The following CA10 variants were observed in gnomAD, a reference collection of about 807,000 sequenced individuals.
CA10 encodes carbonic anhydrase 10 (inactive), also known as carbonic anhydrase-related protein 10.
In CA10, 14 loss-of-function variants were observed where a neutral mutation model predicts 44.2. That is an observed-to-expected ratio of 0.32 (90% confidence interval 0.21 to 0.50). The LOEUF (loss-of-function observed/expected upper bound fraction) is 0.50, where lower values mean the gene tolerates loss of function less well. Ranked by LOEUF, CA10 falls within the 20% of genes least tolerant of loss-of-function variation. CA10 has a pLI of 0.99. For synonymous variants in CA10, 159 were observed against 141.6 expected, an observed-to-expected ratio of 1.12 and a Z score of -0.87; for missense variants, 350 against 409.7, an observed-to-expected ratio of 0.85 and a Z score of 1.26.
At chr17:52,104,133 T>A (rs1036846791) in intron 1 of CA10, among the ~76,000 whole-genome samples, 1 of 151,916 alleles carries the variant, frequency 6.6e-6, no homozygotes, top group Non-Finnish European at 1.5e-5. Flanking sequence ...CACCTGCTCC[T>A]TCCTCCTTTG....
At chr17:51,734,181 G>C (rs572817156) in intron 4 of CA10, among the ~76,000 whole-genome samples, 14 of 118,782 alleles carry the variant, frequency 1.2e-4, no homozygotes, top group South Asian at 1.0e-3. Context: ...CTTTGGTTGG[G>C]GGGGGGGGGT....
intron 4 of CA10, among the ~76,000 whole-genome samples, chr17:51,726,937 T>A (rs1916544609): frequency 6.6e-6 from 1 of 152,242 alleles, no homozygotes; most frequent in Non-Finnish European, 1.5e-5. Context: ...CTTCTGATTC[T>A]CAGTTAGTGG....
chr17:51,897,596 G>T (rs1981126641), intron 3 of CA10, among the ~76,000 whole-genome samples: 1 of 152,030 alleles, frequency 6.6e-6, no homozygotes. Flanking sequence ...TTCTAATTCT[G>T]GGAAGAATGT....
intron 3 of CA10, among the ~76,000 whole-genome samples, chr17:51,831,695 A>AGCG (rs1567854577): frequency 5.0e-5 from 4 of 80,806 alleles, no homozygotes; most frequent in Admixed American, 2.5e-4. Flanking sequence ...CAGCAGCAGC[A>AGCG]GCAGCAGCAG....
At chr17:51,726,038 C>T (rs2143544546) in intron 4 of CA10, among the ~76,000 whole-genome samples, 1 of 152,274 alleles carries the variant, frequency 6.6e-6, no homozygotes. Context: ...CTTCATAGCT[C>T]AGGTGCACAT....
chr17:52,015,595 A>G (rs79162146), intron 2 of CA10, among the ~76,000 whole-genome samples: 3,453 of 152,236 alleles, frequency 0.023, 60 homozygotes, highest in Non-Finnish European at 0.037. Flanking sequence ...ATGAGAAGTA[A>G]GGATTTACAA....
chr17:51,956,002 G>A (rs1983652666), intron 2 of CA10, among the ~76,000 whole-genome samples: 1 of 152,016 alleles, frequency 6.6e-6, no homozygotes, highest in African/African-American at 2.4e-5. Context: ...CAAAAAATCT[G>A]GACTAATTTT....
intron 3 of CA10, among the ~76,000 whole-genome samples, chr17:51,748,031 A>G (rs1904765816): frequency 6.6e-6 from 1 of 152,196 alleles, no homozygotes; most frequent in South Asian, 2.1e-4. Flanking sequence ...TGGCTTAGGA[A>G]TTTGAGGTAA....
intron 3 of CA10, among the ~76,000 whole-genome samples, chr17:51,751,339 C>A (rs1157758484): frequency 6.6e-6 from 1 of 152,140 alleles, no homozygotes; most frequent in Non-Finnish European, 1.5e-5. Context: ...GTTCTGGAAA[C>A]AGATGGTGGT....
At chr17:51,718,768 G>A (rs1916259144) in intron 4 of CA10, among the ~76,000 whole-genome samples, 1 of 152,212 alleles carries the variant, frequency 6.6e-6, no homozygotes, top group African/African-American at 2.4e-5. Context: ...AATTGAATAA[G>A]AGAATACCCA....
intron 3 of CA10, among the ~76,000 whole-genome samples, chr17:51,907,919 T>G (rs1248899304): frequency 6.6e-6 from 1 of 152,158 alleles, no homozygotes; most frequent in Non-Finnish European, 1.5e-5. Context: ...AAAACCTTCA[T>G]GAAAACATAA....
intron 2 of CA10, among the ~76,000 whole-genome samples, chr17:51,990,167 G>A (rs184514720): frequency 6.6e-6 from 1 of 152,090 alleles, no homozygotes; most frequent in East Asian, 1.9e-4. Flanking sequence ...TACAGTAAAT[G>A]TTTTTGTAAA....
At chr17:52,051,649 A>T (rs2143048601) in intron 2 of CA10, among the ~76,000 whole-genome samples, 1 of 152,062 alleles carries the variant, frequency 6.6e-6, no homozygotes, top group South Asian at 2.1e-4. Flanking sequence ...ATATGCTGAC[A>T]AGGTTGTGGA....
intron 3 of CA10, among the ~76,000 whole-genome samples, chr17:51,848,632 C>T (rs1389482204): frequency 3.3e-5 from 5 of 152,154 alleles, no homozygotes; most frequent in Admixed American, 2.0e-4. Context: ...CTGAGTGTGC[C>T]CAATATGAGC....
intron 4 of CA10, among the ~76,000 whole-genome samples, chr17:51,686,885 C>A (rs1915028426): frequency 1.3e-5 from 2 of 152,204 alleles, no homozygotes; most frequent in African/African-American, 4.8e-5. Context: ...CCAGCAAAGT[C>A]TTCAGTTCCA....
At chr17:51,765,881 G>C (rs1165334571) in intron 3 of CA10, among the ~76,000 whole-genome samples, 2 of 152,270 alleles carry the variant, frequency 1.3e-5, no homozygotes, top group African/African-American at 4.8e-5. Context: ...TAAGTAGTCT[G>C]AGAGCCAAGA....
At chr17:51,960,012 T>A (rs1567900620) in intron 2 of CA10, among the ~76,000 whole-genome samples, 1 of 151,914 alleles carries the variant, frequency 6.6e-6, no homozygotes, top group Non-Finnish European at 1.5e-5. Context: ...AAGGAGTTAT[T>A]GTAACTATCC....
At chr17:52,055,729 A>G (rs1299447499) in intron 2 of CA10, among the ~76,000 whole-genome samples, 1 of 152,140 alleles carries the variant, frequency 6.6e-6, no homozygotes, top group East Asian at 1.9e-4. Context: ...TAAAAAGGTA[A>G]TATTTTCCTA....
At chr17:51,932,521 C>T (rs1451957963) in intron 2 of CA10, among the ~76,000 whole-genome samples, 7 of 152,246 alleles carry the variant, frequency 4.6e-5, no homozygotes, top group South Asian at 2.1e-4. Flanking sequence ...AACACTTCAA[C>T]ATCAAAATAA....
Sources: allele counts gnomAD v4.1 joint callset (sites outside exome capture counted in the v4.1 genomes callset), GRCh38; gene constraint gnomAD v4.1.1; transcripts MANE v1.5; gene names NCBI Gene and HGNC (gene_info 2026-07-23, HGNC 2026-07-21).